Variants in FRAS1 observed in about 807,000 individuals in gnomAD.
FRAS1 encodes the protein extracellular matrix organizing protein FRAS1.
In FRAS1, 290 loss-of-function variants were observed where a neutral mutation model predicts 435.2. The ratio of observed to expected loss-of-function variants is 0.67; its 90% CI spans 0.61 to 0.73. The LOEUF is 0.73. FRAS1 is among the 30% of genes least tolerant of loss of function. FRAS1 has a pLI of 0.00. For synonymous variants in FRAS1, 1,800 were observed against 1,851.0 expected, an observed-to-expected ratio of 0.97 and a Z score of 0.71; for missense variants, 4,860 against 5,001.5, an observed-to-expected ratio of 0.97 and a Z score of 0.85.
At chr4:78,271,272 A>G (rs974335812) in intron 9 of FRAS1, among the ~76,000 whole-genome samples, 9 of 15,550 alleles carry the variant, frequency 5.8e-4, no homozygotes, top group Middle Eastern at 0.077. Context: ...AAACATTACC[A>G]TTCTTTTTTT....
chr4:78,519,946 T>A (rs1448051799), intron 67 of FRAS1, among the ~76,000 whole-genome samples: 1 of 152,208 alleles, frequency 6.6e-6, no homozygotes, highest in Non-Finnish European at 1.5e-5. Flanking sequence ...AGTCTGCTCT[T>A]TAATTGCATC....
intron 17 of FRAS1, among the ~76,000 whole-genome samples, 162 bp downstream of exon 17, chr4:78,317,670 G>A (rs1729333860): frequency 6.6e-6 from 1 of 152,120 alleles, no homozygotes; most frequent in African/African-American, 2.4e-5. Context: ...TTTGCAAAGG[G>A]TTAATCTGAA....
At chr4:78,326,215 G>A (rs576412645) in intron 18 of FRAS1, among the ~76,000 whole-genome samples, 1 of 152,334 alleles carries the variant, frequency 6.6e-6, no homozygotes, top group South Asian at 2.1e-4. Context: ...TTAGGAAGCT[G>A]CTGCACTAAC....
At chr4:78,123,178 T>C (rs1353870467) in intron 2 of FRAS1, among the ~76,000 whole-genome samples, 1 of 152,206 alleles carries the variant, frequency 6.6e-6, no homozygotes, top group Non-Finnish European at 1.5e-5. Flanking sequence ...AGGGTCCAGT[T>C]TGAGTTTTCT....
chr4:78,211,437 A>G, intron 2 of FRAS1, among the ~76,000 whole-genome samples: 1 of 152,240 alleles, frequency 6.6e-6, no homozygotes, highest in East Asian at 1.9e-4. Flanking sequence ...AGAAGGGGCT[A>G]TGACTAAAAT....
intron 20 of FRAS1, among the ~76,000 whole-genome samples, chr4:78,355,045 AC>A (rs1730796239): frequency 6.6e-6 from 1 of 152,184 alleles, no homozygotes; most frequent in African/African-American, 2.4e-5. Context: ...AGAGGATTCT[AC>A]AGCTGCTGAG....
chr4:78,375,965 G>GTC, intron 26 of FRAS1, 86 bp downstream of exon 26: 2 of 1,467,092 alleles, frequency 1.4e-6, no homozygotes, highest in Non-Finnish European at 1.9e-6. Flanking sequence ...ATTGACTTAT[G>GTC]TGATATAAAA....
At chr4:78,137,635 G>T (rs1051075159) in intron 2 of FRAS1, among the ~76,000 whole-genome samples, 1 of 152,242 alleles carries the variant, frequency 6.6e-6, no homozygotes, top group South Asian at 2.1e-4. Context: ...CCCACATCTG[G>T]TAAGTCATCT....
intron 2 of FRAS1, among the ~76,000 whole-genome samples, chr4:78,176,908 C>T (rs549591252): frequency 6.6e-6 from 1 of 152,188 alleles, no homozygotes; most frequent in Non-Finnish European, 1.5e-5. Context: ...ACCATTCAAC[C>T]TACTCTTGGC....
chr4:78,271,183 A>G (rs1726658509), intron 9 of FRAS1, among the ~76,000 whole-genome samples: 1 of 152,180 alleles, frequency 6.6e-6, no homozygotes, highest in South Asian at 2.1e-4. Flanking sequence ...GCAAATTTAT[A>G]TTATTCATTT....
rs552301772 is a variant in FRAS1 at position 78,540,171 on chromosome 4, G to A, written c.11446-360G>A. ...AAATTGGCATAACACATAATTGAAG[G>A]TCACTGTAAATAAATGTGGTTTTTA... On this transcript the variant is annotated intron_variant, in intron 73 of 73. Coordinates refer to ENST00000512123, the MANE Select transcript of FRAS1 (RefSeq NM_025074.7). Among the ~76,000 whole-genome samples the A allele has an allele frequency of 1.9e-3, 288 of 152,298 alleles. 1 individual carries two copies. Among genetic ancestry groups the A allele is most frequent in the Non-Finnish European group, 3.4e-3 (228 of 68,026 alleles).
At chr4:78,250,963 G>A (rs1578207003) in intron 4 of FRAS1, among the ~76,000 whole-genome samples, 1 of 152,012 alleles carries the variant, frequency 6.6e-6, no homozygotes, top group Admixed American at 6.6e-5. Context: ...ATATATTAGA[G>A]TTTAGTTCTA....
At chr4:78,250,670 A>C (rs934497208) in intron 4 of FRAS1, among the ~76,000 whole-genome samples, 3 of 152,214 alleles carry the variant, frequency 2.0e-5, no homozygotes, top group African/African-American at 7.2e-5. Context: ...CAGATACTGC[A>C]TCCTCTTTTC....
chr4:78,430,802 C>T (rs948713445), intron 37 of FRAS1, among the ~76,000 whole-genome samples: 3 of 151,940 alleles, frequency 2.0e-5, no homozygotes, highest in Admixed American at 1.3e-4. Flanking sequence ...ATATTTTTAG[C>T]GCTGTGACTC....
At chr4:78,220,609 G>A (rs1406696861) in intron 2 of FRAS1, among the ~76,000 whole-genome samples, 1 of 152,142 alleles carries the variant, frequency 6.6e-6, no homozygotes, top group Non-Finnish European at 1.5e-5. Flanking sequence ...GGAACCAAAT[G>A]GAGAAAATTT....
At chr4:78,265,527 G>A (rs1345209199) in intron 7 of FRAS1, among the ~76,000 whole-genome samples, 2 of 152,328 alleles carry the variant, frequency 1.3e-5, no homozygotes, top group East Asian at 1.9e-4. Flanking sequence ...AAACCTGGCG[G>A]TGGTAGAAGA....
chr4:78,222,070 T>C (rs1724078841), intron 2 of FRAS1, among the ~76,000 whole-genome samples: 1 of 152,070 alleles, frequency 6.6e-6, no homozygotes, highest in African/African-American at 2.4e-5. Context: ...GCCGTGGAGC[T>C]CTGCCCCCCT....
intron 2 of FRAS1, among the ~76,000 whole-genome samples, chr4:78,105,291 T>C (rs528287951): frequency 3.9e-5 from 6 of 152,326 alleles, no homozygotes; most frequent in African/African-American, 7.2e-5. Context: ...ATATTGTCCA[T>C]CCACAATCCT....
Position 78,308,109 on chromosome 4 carries a change from G to A in FRAS1, c.1578G>A (p.Lys526=), listed in dbSNP as rs1275054722. Residue 526 remains lysine (K), a synonymous_variant, in exon 15 of 74, where the codon AAG becomes AAA. Transcript: ENST00000512123. ...SCAGCWGPTE[K]HCLACRDPLH... The stretch of plus-strand genomic sequence containing the variant: ...CAGGTTGCTGGGGCCCAACGGAGAA[G>A]CACTGCTTGGCCTGCAGAGATCCCC... 5.6e-6 allele frequency: 9 copies of A among 1,613,854 alleles called. No individual in the cohort carries two copies. Among genetic ancestry groups the A allele is most frequent in the Admixed American group, 1.7e-5 (1 of 60,016 alleles).
Sources: gnomAD v4.1 joint callset for allele counts (sites outside exome capture counted in the v4.1 genomes callset) on GRCh38, gnomAD v4.1.1 for gene constraint, MANE v1.5 for transcripts, NCBI Gene and HGNC (gene_info 2026-07-23, HGNC 2026-07-21) for gene names.